Variants in ATP8A2 observed in about 807,000 individuals in gnomAD.
ATP8A2 encodes the protein ATPase phospholipid transporting 8A2.
A neutral mutation model predicts 165.6 loss-of-function variants in ATP8A2; 100 were observed. The observed-to-expected ratio is 0.60, with a 90% CI of 0.51 to 0.71. The LOEUF (loss-of-function observed/expected upper bound fraction) is 0.71, where lower values mean the gene tolerates loss of function less well. Among genes scored for constraint, ATP8A2 ranks in the 30% least tolerant of loss-of-function variants. The pLI is 0.00. For missense variants in ATP8A2, 1,227 were observed against 1,479.5 expected (o/e 0.83, Z 2.80); for synonymous variants, 543 against 548.8 (o/e 0.99, Z 0.15).
chr13:25,987,567 C>T (rs1199091809), intron 35 of ATP8A2, among the ~76,000 whole-genome samples: 2 of 152,166 alleles, frequency 1.3e-5, no homozygotes, highest in East Asian at 3.9e-4. Context: ...CATGCTGTTG[C>T]CTCACTCCCC....
intron 24 of ATP8A2, among the ~76,000 whole-genome samples, chr13:25,660,109 G>T (rs954310805): frequency 1.3e-5 from 2 of 152,164 alleles, no homozygotes; most frequent in South Asian, 2.1e-4. Context: ...ATCAGAATTT[G>T]TGAAAGACTT....
chr13:25,715,599 C>G (rs2043239606), intron 25 of ATP8A2, among the ~76,000 whole-genome samples: 2 of 152,292 alleles, frequency 1.3e-5, no homozygotes, highest in South Asian at 4.1e-4. Flanking sequence ...TTCCCACTTA[C>G]TGTAAAGTCT....
chr13:26,014,190 A>G (rs978622964), intron 36 of ATP8A2, among the ~76,000 whole-genome samples: 1 of 152,156 alleles, frequency 6.6e-6, no homozygotes, highest in East Asian at 1.9e-4. Flanking sequence ...ATGTTACTTA[A>G]TGTCTGCTTC....
chr13:25,478,924 T>G (rs1391165474), intron 2 of ATP8A2, among the ~76,000 whole-genome samples: 1 of 152,102 alleles, frequency 6.6e-6, no homozygotes, highest in East Asian at 1.9e-4. Context: ...CTTGGCTCAC[T>G]GCAACCTCCG....
At chr13:25,855,505 T>A (rs1003114413) in intron 30 of ATP8A2, among the ~76,000 whole-genome samples, 7 of 152,242 alleles carry the variant, frequency 4.6e-5, no homozygotes, top group Non-Finnish European at 1.0e-4. Flanking sequence ...ATATACCACA[T>A]TTTACCATTT....
At chr13:25,839,133 G>C (rs915119857) in intron 29 of ATP8A2, among the ~76,000 whole-genome samples, 10 of 152,130 alleles carry the variant, frequency 6.6e-5, no homozygotes, top group Admixed American at 1.3e-4. Flanking sequence ...CCCCGACACA[G>C]TTTAATTGTT....
At chr13:25,545,268 G>T (rs2038611699) in intron 10 of ATP8A2, among the ~76,000 whole-genome samples, 1 of 152,108 alleles carries the variant, frequency 6.6e-6, no homozygotes, top group Admixed American at 6.5e-5. Flanking sequence ...GGTGGATCAG[G>T]ATTATTTAGT....
At chr13:25,546,391 GC>G (rs2038650236) in intron 10 of ATP8A2, among the ~76,000 whole-genome samples, 1 of 152,080 alleles carries the variant, frequency 6.6e-6, no homozygotes, top group Admixed American at 6.6e-5. Context: ...AAAATAATGA[GC>G]TTTCAAAAGG....
At chr13:25,764,139 T>C (rs1566115251) in intron 25 of ATP8A2, among the ~76,000 whole-genome samples, 1 of 152,244 alleles carries the variant, frequency 6.6e-6, no homozygotes, top group Non-Finnish European at 1.5e-5. Flanking sequence ...ATTTTATAGT[T>C]AAATATTATG....
At position 25,469,005 on chromosome 13, in the gene ATP8A2, G is replaced by A; in HGVS notation, c.105G>A (p.Lys35=). The A allele has an allele frequency of 6.2e-7, 1 of 1,614,042 alleles. No homozygotes were observed. The highest frequency in any genetic ancestry group is 8.5e-7 in the Non-Finnish European group (1 of 1,179,892). The change falls in exon 2 of 37, where the codon AAG becomes AAA. Residue 35 remains lysine, a synonymous_variant. Coordinates refer to ENST00000381655, the MANE Select transcript of ATP8A2 (RefSeq NM_016529.6). ...CTGTTCGTTCTTCTTTGGGCTATAA[G>A]AAGGCAGAGGATGAGATGTCCCGGG... is the stretch of plus-strand genomic sequence containing the variant. ...VGPVRSSLGY[K]KAEDEMSRAT... is the part of the protein sequence containing the mutation.
intron 33 of ATP8A2, among the ~76,000 whole-genome samples, chr13:25,946,410 C>T (rs778138353): frequency 6.6e-6 from 1 of 152,210 alleles, no homozygotes; most frequent in Non-Finnish European, 1.5e-5. Flanking sequence ...GCAAGAGAAG[C>T]CTGGCTATGA....
chr13:25,586,359 G>C (rs1215825978), intron 23 of ATP8A2, among the ~76,000 whole-genome samples: 1 of 152,146 alleles, frequency 6.6e-6, no homozygotes, highest in Admixed American at 6.5e-5. Flanking sequence ...ATGTCCCAAC[G>C]TGGGGAGAAG....
chr13:25,569,378 A>G (rs1360103189), intron 16 of ATP8A2, among the ~76,000 whole-genome samples: 1 of 152,236 alleles, frequency 6.6e-6, no homozygotes, highest in East Asian at 1.9e-4. Flanking sequence ...AACTAAAAAT[A>G]TTCTTGTGGA....
chr13:25,704,941 A>C (rs1345181344), intron 25 of ATP8A2, among the ~76,000 whole-genome samples: 1 of 152,154 alleles, frequency 6.6e-6, no homozygotes, highest in East Asian at 1.9e-4. Context: ...CACGTTTATT[A>C]CTGATAATAC....
Position 25,818,599 on chromosome 13 carries a change from A to G in ATP8A2, c.2680-9519A>G, listed in dbSNP as rs182896027. ...GATATTTAAATTAGATAATTCATCT[A>G]GAGTATTGCAAGGTTCTTGGAACTG... On this transcript the variant is annotated intron_variant, in intron 27 of 36. Transcript: ENST00000381655. Among the ~76,000 whole-genome samples, 3 of 152,312 alleles carry G rather than the reference A, an allele frequency of 2.0e-5. No homozygotes were observed. The East Asian group carries it at 5.8e-4, about 30-fold the overall frequency.
At chr13:25,930,342 C>T (rs943320540) in intron 33 of ATP8A2, among the ~76,000 whole-genome samples, 6 of 152,296 alleles carry the variant, frequency 3.9e-5, no homozygotes, top group African/African-American at 1.4e-4. Context: ...TTAGCTTCCC[C>T]GTAAAGCACT....
chr13:25,739,183 A>C (rs2043853114), intron 25 of ATP8A2, among the ~76,000 whole-genome samples: 1 of 152,200 alleles, frequency 6.6e-6, no homozygotes, highest in African/African-American at 2.4e-5. Flanking sequence ...CCTGAACTGG[A>C]GTGTCAGCCT....
chr13:25,472,978 C>T lies in ATP8A2; in HGVS notation c.221+3857C>T, dbSNP rs147348025. On this transcript the variant is annotated intron_variant, in intron 2 of 36. Transcript: ENST00000381655. ...AGGGAGGGCAGCGAGGGGCGGCATG[C>T]TGTCATTCAGGACAGGAATTCTATG... 4.0e-3 allele frequency among the ~76,000 whole-genome samples: 608 copies of T among 152,300 alleles called. 6 individuals are homozygous for T. Among genetic ancestry groups the T allele is most frequent in the Non-Finnish European group, 4.2e-3 (285 of 68,032 alleles).
chr13:25,443,875 A>G (rs1300548831), intron 1 of ATP8A2, among the ~76,000 whole-genome samples: 1 of 152,250 alleles, frequency 6.6e-6, no homozygotes, highest in Non-Finnish European at 1.5e-5. Flanking sequence ...GTGATAGAAT[A>G]TTATAAGTAA....
Sources: allele counts gnomAD v4.1 joint callset (sites outside exome capture counted in the v4.1 genomes callset), GRCh38; gene constraint gnomAD v4.1.1; transcripts MANE v1.5; gene names NCBI Gene and HGNC (gene_info 2026-07-23, HGNC 2026-07-21).